Variants in FLII observed in about 807,000 individuals in gnomAD.
FLII encodes FLII actin remodeling protein.
Under a neutral mutation model 156.2 loss-of-function variants are expected in FLII, and 101 were observed. That is an observed-to-expected ratio of 0.65 (90% confidence interval 0.55 to 0.76). The LOEUF (loss-of-function observed/expected upper bound fraction) is 0.76. Among genes scored for constraint, FLII ranks in the 30% least tolerant of loss-of-function variants. The pLI is 0.00. For synonymous variants in FLII, 767 were observed against 685.8 expected, an observed-to-expected ratio of 1.12 and a Z score of -1.85; for missense variants, 1,675 against 1,682.8, an observed-to-expected ratio of 1.00 and a Z score of 0.08.
rs1280038966 is a variant in FLII at position 18,258,073 on chromosome 17, A to C, written c.63+555T>G. ...GCCTGACACACTCTCCACACCAACA[A>C]ATCTCACTATACTCCTTGCGTCCAA... On this transcript the variant is annotated intron_variant, in intron 1 of 29. Coordinates refer to ENST00000327031, the MANE Select transcript of FLII (RefSeq NM_002018.4). This position sits in a 1 kb window ranked among gnomAD's most constrained non-coding sequence, Gnocchi z 4.2. Among the ~76,000 whole-genome samples the C allele has an allele frequency of 2.0e-5, 3 of 152,100 alleles. No individual in the cohort carries two copies. Among genetic ancestry groups the C allele is most frequent in the African/African-American group, 7.2e-5 (3 of 41,408 alleles).
Position 18,248,888 on chromosome 17 carries a change from A to T in FLII, c.1935-5T>A. 1 of 1,612,774 alleles carries T rather than the reference A, an allele frequency of 6.2e-7. No homozygotes were observed. The stretch of plus-strand genomic sequence containing the variant: ...CGGTCCAGCAGGAAAACAAACCTGG[A>T]CAAGAAGGGGCAGGAAGGAGCTGTG... On this transcript the variant is annotated splice_region_variant and splice_polypyrimidine_tract_variant and intron_variant, in intron 16 of 29. Transcript: ENST00000327031.
At chr17:18,258,934 C>T (rs998793499), upstream of FLII, 1 of 256,636 alleles carries the variant, frequency 3.9e-6, no homozygotes, top group Non-Finnish European at 7.3e-6. This position sits in a 1 kb window ranked among gnomAD's most constrained non-coding sequence, Gnocchi z 4.2. Context: ...TCCACGATCT[C>T]CAGGCTTAAG....
upstream of FLII, chr17:18,258,799 G>T: frequency 1.6e-6 from 1 of 631,800 alleles, no homozygotes; most frequent in Non-Finnish European, 2.2e-6. This position sits in a 1 kb window ranked among gnomAD's most constrained non-coding sequence, Gnocchi z 4.2. Context: ...TAACCCGCCC[G>T]CGCCCGCCGC....
intron 5 of FLII, 22 bp from the exon 6 acceptor site, chr17:18,254,704 C>A: frequency 6.2e-7 from 1 of 1,613,656 alleles, no homozygotes; most frequent in Non-Finnish European, 8.5e-7. Flanking sequence ...GAGCAGGAGC[C>A]ACCTGAGTCA....
At chr17:18,248,291 T>C (rs2048152486) in intron 18 of FLII, among the ~76,000 whole-genome samples, 1 of 152,174 alleles carries the variant, frequency 6.6e-6, no homozygotes, top group Non-Finnish European at 1.5e-5. Context: ...ATCTAGATAA[T>C]TGAGCCAAGG....
intron 7 of FLII, 44 bp from the exon 8 acceptor site, chr17:18,253,763 G>C: frequency 6.5e-7 from 1 of 1,533,398 alleles, no homozygotes; most frequent in Non-Finnish European, 8.8e-7. Flanking sequence ...CCATACACCA[G>C]GTGCCAGGGC....
At position 18,256,586 on chromosome 17, in the gene FLII, A is replaced by C; in HGVS notation, c.186T>G (p.Ser62=). 6.4e-7 allele frequency: 1 copy of C among 1,551,668 alleles called. No individual in the cohort carries two copies. Among genetic ancestry groups the C allele is most frequent in the Non-Finnish European group, 8.7e-7 (1 of 1,147,000 alleles). The part of the protein sequence containing the change: ...LAALQKLEHL[S]VSHNNLTTLH... ...GCGTGGTCAGGTTGTTGTGGCTCAC[A>C]GACAAGTGTTCCTGGGCCGGAATGG... The change falls in exon 3 of 30, where the codon TCT becomes TCG. Residue 62 remains serine (S), a synonymous_variant. Coordinates refer to ENST00000327031, the MANE Select transcript of FLII (RefSeq NM_002018.4).
chr17:18,247,532 G>A (rs2048118558), intron 20 of FLII, 125 bp downstream of exon 20: 4 of 1,082,238 alleles, frequency 3.7e-6, no homozygotes, highest in East Asian at 2.6e-5. Context: ...CGGGGCCTGG[G>A]CAGAGTCAGC....
intron 21 of FLII, 46 bp downstream of exon 21, chr17:18,247,123 G>GGGGGGGGGCGGGGC: frequency 8.0e-7 from 1 of 1,249,072 alleles, no homozygotes; most frequent in Non-Finnish European, 1.0e-6. Context: ...CCCTCGGCCT[G>GGGGGGGGGCGGGGC]CCCCCCACCC....
In FLII at chr17:18,258,722, C is replaced by T. The variant is rs937616474; in HGVS notation, c.-32G>A. On this transcript the variant is annotated 5_prime_UTR_variant, in exon 1 of 30. Coordinates refer to ENST00000327031, the MANE Select transcript of FLII (RefSeq NM_002018.4). The surrounding 1 kb of genome is among the most constrained non-coding windows in gnomAD (Gnocchi z 4.2). ...GCTCTCGCTGCCGGGCCGCGCCGGG[C>T]TAGGGAGCGCCGGGGCGAGGGCGCT... The T allele has an allele frequency of 1.8e-5, 25 of 1,399,222 alleles. No homozygotes were observed. The Admixed American group carries it at 4.0e-4, about 22-fold the overall frequency. The allele number at this position is 1,399,222 out of a possible 1,614,324, so 86.7% of individuals were successfully genotyped here.
rs141265661 is a variant in FLII, at chr17:18,245,614, C to T, written c.3550G>A (p.Asp1184Asn). 169 of 1,613,746 alleles carry T rather than the reference C, an allele frequency of 1.0e-4. No individual in the cohort carries two copies. The highest frequency in any genetic ancestry group is 1.3e-4 in the Non-Finnish European group (159 of 1,180,008). ...TCTGCCAGGTCATCTTGGCAAAAGT[C>T]GGAGCATTTCTCAGTCACTGCAAAG... Reference protein sequence around the residue: ...GYFAVTEKCSDFCQDDLADDD... With the variant: ...GYFAVTEKCSNFCQDDLADDD... Residue 1184 changes from aspartate (D) to asparagine (N), a missense_variant, in exon 28 of 30, where the codon GAC (aspartate) becomes AAC (asparagine). By Grantham distance (23) the Asp-to-Asn change is conservative. Coordinates refer to ENST00000327031, the MANE Select transcript of FLII (RefSeq NM_002018.4).
chr17:18,251,826 G>A lies in FLII; in HGVS notation c.1247-10C>T, dbSNP rs1317676315. 1 of 1,613,326 alleles carries A rather than the reference G, an allele frequency of 6.2e-7. No individual in the cohort carries two copies. The highest frequency in any genetic ancestry group is 1.7e-5 in the Admixed American group (1 of 60,036). Reference sequence around the variant, plus strand: ...TTGGGCCCACTCCCTGCTTAGGGGAGGGGCAAACAGCTGAGCCCTCACTGG... The same window carrying A: ...TTGGGCCCACTCCCTGCTTAGGGGAAGGGCAAACAGCTGAGCCCTCACTGG... On this transcript the variant is annotated splice_polypyrimidine_tract_variant and intron_variant, in intron 11 of 29. Transcript: ENST00000327031.
upstream of FLII, chr17:18,258,914 G>A (rs1359558576): frequency 1.5e-5 from 4 of 273,298 alleles, no homozygotes; most frequent in African/African-American, 6.7e-5. This position sits in a 1 kb window ranked among gnomAD's most constrained non-coding sequence, Gnocchi z 4.2. Context: ...CTGTGCTGGA[G>A]TTGGAGGCTT....
chr17:18,253,926 GCAT>G, intron 7 of FLII, 150 bp downstream of exon 7: 1 of 743,722 alleles, frequency 1.3e-6, no homozygotes, highest in East Asian at 2.7e-5. Context: ...CAGTGTTAAG[GCAT>G]CATCATAATC....
intron 20 of FLII, 139 bp downstream of exon 20, chr17:18,247,518 G>C: frequency 9.6e-7 from 1 of 1,044,662 alleles, no homozygotes; most frequent in Non-Finnish European, 1.4e-6. Context: ...GCTTGCAGAG[G>C]GGGCGGGGCC....
intron 8 of FLII, 34 bp from the exon 9 acceptor site, chr17:18,253,492 G>A: frequency 6.2e-7 from 1 of 1,613,632 alleles, no homozygotes; most frequent in Non-Finnish European, 8.5e-7. Context: ...GGGAGGTCAG[G>A]GCCAGGCTCA....
intron 18 of FLII, 95 bp downstream of exon 18, chr17:18,248,455 T>C (rs2048157017): frequency 6.5e-6 from 8 of 1,225,880 alleles, no homozygotes; most frequent in Non-Finnish European, 7.9e-6. Flanking sequence ...AAAGTCGAGA[T>C]GGAGCCCAAA....
In FLII at chr17:18,245,567, G is replaced by A. The variant is rs1290590062; in HGVS notation, c.3597C>T (p.Asp1199=). The A allele has an allele frequency of 1.2e-6, 2 of 1,613,720 alleles. No individual in the cohort carries two copies. The highest frequency in any genetic ancestry group is 8.5e-7 in the Non-Finnish European group (1 of 1,179,970). The change falls in exon 28 of 30, where the codon GAC becomes GAT. Residue 1199 remains aspartate, a synonymous_variant. Transcript: ENST00000327031. ...DLADDDIMLL[D]NGQEVYMWVG... is the part of the protein sequence containing the mutation. ...GGCAACATCACACCTCTTGGCCATT[G>A]TCTAGCAACATGATGTCATCATCTG...
In FLII at chr17:18,246,389, C is replaced by T. The variant is rs757477726; in HGVS notation, c.3125G>A (p.Arg1042Gln). Residue 1042 changes from arginine (R) to glutamine (Q), a missense_variant, in exon 24 of 30, where the codon CGG becomes CAG. By Grantham distance (43) the Arg-to-Gln change is conservative. Around this residue, in one of 2 missense-constraint regions of FLII, gnomAD observed 1,332 missense variants for 1,269.3 expected, o/e 1.05. Coordinates refer to ENST00000327031, the MANE Select transcript of FLII (RefSeq NM_002018.4). The part of the protein sequence containing the change: ...SHFKRKFIIH[R>Q]GKRKAVQGAQ... Reference sequence around the variant, plus strand: ...GCCCTGGACCGCCTTCCTCTTGCCCCGGTGGATGATGAACTTCCTCTTGAA... The same window carrying T: ...GCCCTGGACCGCCTTCCTCTTGCCCTGGTGGATGATGAACTTCCTCTTGAA... The T allele has an allele frequency of 1.2e-6, 2 of 1,614,020 alleles. No homozygotes were observed. Among genetic ancestry groups the T allele is most frequent in the East Asian group, 2.2e-5 (1 of 44,876 alleles).
Sources: allele counts gnomAD v4.1 joint callset (sites outside exome capture counted in the v4.1 genomes callset), GRCh38; gene constraint gnomAD v4.1.1; regional missense constraint gnomAD v4.1.1; non-coding constraint Gnocchi (gnomAD v3.1); transcripts MANE v1.5; gene names NCBI Gene and HGNC (gene_info 2026-07-23, HGNC 2026-07-21).